The following ANKH variants were observed in gnomAD, a reference collection of about 807,000 sequenced individuals.
The protein encoded by ANKH is mineralization regulator ANKH.
ANKH carries 15 observed loss-of-function variants against 49.0 expected under a neutral mutation model. The ratio of observed to expected loss-of-function variants is 0.31; its 90% CI spans 0.20 to 0.47. The LOEUF is 0.47. ANKH is among the 20% of genes least tolerant of loss of function. The pLI, the probability that ANKH is intolerant of heterozygous loss-of-function variation, is 1.00. For synonymous variants in ANKH, 273 were observed against 260.0 expected (o/e 1.05, Z -0.48); for missense variants, 429 against 652.0 (o/e 0.66, Z 3.72).
intron 8 of ANKH, among the ~76,000 whole-genome samples, chr5:14,734,085 T>A (rs766925232): frequency 2.0e-5 from 3 of 152,250 alleles, no homozygotes; most frequent in Admixed American, 6.5e-5. Flanking sequence ...TTGCTAGATA[T>A]GCGTTCTAAA....
rs1737799691 is a variant in ANKH at position 14,725,623 on chromosome 5, C to T, written c.1012-8788G>A. Reference sequence around the variant, plus strand: ...GAGTATTCCAGAAGGTTTCCTGGGACCGTATTCTAACAAAACGCTAGCAGG... The same window carrying T: ...GAGTATTCCAGAAGGTTTCCTGGGATCGTATTCTAACAAAACGCTAGCAGG... On this transcript the variant is annotated intron_variant, in intron 8 of 11. Coordinates refer to ENST00000284268, the MANE Select transcript of ANKH (RefSeq NM_054027.6). The surrounding 1 kb of genome is among the most constrained non-coding windows in gnomAD (Gnocchi z 4.0). 6.6e-6 allele frequency among the ~76,000 whole-genome samples: 1 copy of T among 152,216 alleles called. No individual in the cohort carries two copies. Among genetic ancestry groups the T allele is most frequent in the Admixed American group, 6.5e-5 (1 of 15,286 alleles).
At chr5:14,863,195 T>C (rs1245014240) in intron 1 of ANKH, among the ~76,000 whole-genome samples, 4 of 152,010 alleles carry the variant, frequency 2.6e-5, no homozygotes, top group African/African-American at 4.8e-5. Flanking sequence ...ATTAAAATGA[T>C]AAAAGCAGGC....
At chr5:14,797,077 G>C (rs1740412881) in intron 1 of ANKH, 15 of 1,342,456 alleles carry the variant, frequency 1.1e-5, no homozygotes, top group Admixed American at 7.3e-5. Flanking sequence ...TCTCGGGGTT[G>C]AGAAGAAAAA....
intron 8 of ANKH, among the ~76,000 whole-genome samples, chr5:14,733,633 T>C (rs751420577): frequency 1.6e-4 from 25 of 152,372 alleles, no homozygotes; most frequent in African/African-American, 5.8e-4. Flanking sequence ...CACTGCTTCA[T>C]GTAATTACCT....
chr5:14,779,392 T>C (rs1016711214), intron 1 of ANKH, among the ~76,000 whole-genome samples: 2 of 152,174 alleles, frequency 1.3e-5, no homozygotes, highest in African/African-American at 4.8e-5. Context: ...ACCCTCTTTC[T>C]TGTCTTCCCT....
chr5:14,803,606 C>T (rs2126563476), intron 1 of ANKH, among the ~76,000 whole-genome samples: 1 of 151,818 alleles, frequency 6.6e-6, no homozygotes, highest in Middle Eastern at 3.4e-3. Context: ...TTTTTATTTT[C>T]CTCTTTTGCC....
rs529483616 is a variant in ANKH, at chr5:14,706,266, G to A, written c.*4931C>T. ...GTGTAGCTGACAGCCACCTATAAAA[G>A]TGCATATATCTTATGCAGTCTTTTA... is the stretch of plus-strand genomic sequence containing the variant. On this transcript the variant is annotated 3_prime_UTR_variant, in exon 12 of 12. Coordinates refer to ENST00000284268, the MANE Select transcript of ANKH (RefSeq NM_054027.6). The A allele has an allele frequency of 1.4e-4, 22 of 152,314 alleles. No individual in the cohort carries two copies. The highest frequency in any genetic ancestry group is 4.8e-4 in the African/African-American group (20 of 41,558). 9.4% of individuals were successfully genotyped at this position (152,314 alleles called of 1,614,324 possible).
At chr5:14,805,868 CT>C (rs1011126059) in intron 1 of ANKH, among the ~76,000 whole-genome samples, 43 of 152,278 alleles carry the variant, frequency 2.8e-4, no homozygotes, top group African/African-American at 1.0e-3. Flanking sequence ...AGCCGGACTC[CT>C]GGCCTCACCA....
At chr5:14,733,881 G>A (rs916404294) in intron 8 of ANKH, among the ~76,000 whole-genome samples, 3 of 152,258 alleles carry the variant, frequency 2.0e-5, no homozygotes, top group African/African-American at 7.2e-5. Context: ...CGTGTCGGGA[G>A]TGTCTGGACT....
Position 14,770,484 on chromosome 5 carries a change from A to C in ANKH, c.97-1293T>G, listed in dbSNP as rs1438816527. Among the ~76,000 whole-genome samples, 6 of 152,250 alleles carry C rather than the reference A, an allele frequency of 3.9e-5. No individual in the cohort carries two copies. The highest frequency in any genetic ancestry group is 8.8e-5 in the Non-Finnish European group (6 of 68,042). On this transcript the variant is annotated intron_variant, in intron 1 of 11. Coordinates refer to ENST00000284268, the MANE Select transcript of ANKH (RefSeq NM_054027.6). This position sits in a 1 kb window ranked among gnomAD's most constrained non-coding sequence, Gnocchi z 4.1. ...AAAGTTTAATTTATAAATTAGGCAC[A>C]GTAAGAGATTAACAACAATAATAAT...
intron 1 of ANKH, among the ~76,000 whole-genome samples, chr5:14,810,725 C>T (rs31910): frequency 0.47 from 72,021 of 151,928 alleles, 17,376 homozygotes; most frequent in East Asian, 0.75. Context: ...CCCTGAGAAG[C>T]CACTACTCAT....
At chr5:14,836,203 G>T (rs1741648039) in intron 1 of ANKH, among the ~76,000 whole-genome samples, 1 of 152,058 alleles carries the variant, frequency 6.6e-6, no homozygotes, top group African/African-American at 2.4e-5. Context: ...TTTGAAAACT[G>T]GCACAAGACA....
intron 1 of ANKH, among the ~76,000 whole-genome samples, chr5:14,795,534 A>G (rs1740346839): frequency 6.6e-6 from 1 of 152,212 alleles, no homozygotes; most frequent in Admixed American, 6.5e-5. Flanking sequence ...TCAAATGAGA[A>G]CTATATAAAG....
chr5:14,820,827 G>C (rs1160940573), intron 1 of ANKH, among the ~76,000 whole-genome samples: 1 of 152,234 alleles, frequency 6.6e-6, no homozygotes, highest in African/African-American at 2.4e-5. Context: ...GCCAGGTGCA[G>C]TGGCTTATGC....
At chr5:14,807,114 T>C (rs1740730903) in intron 1 of ANKH, among the ~76,000 whole-genome samples, 2 of 75,856 alleles carry the variant, frequency 2.6e-5, no homozygotes, top group South Asian at 1.2e-3. Flanking sequence ...ATGATATTTC[T>C]TTTTTTTTTT....
At chr5:14,767,509 TC>T (rs1258498852) in intron 2 of ANKH, among the ~76,000 whole-genome samples, 1 of 152,210 alleles carries the variant, frequency 6.6e-6, no homozygotes, top group Admixed American at 6.5e-5. Context: ...ATTTTATAAT[TC>T]TATTTTAAAA....
At chr5:14,747,080 C>T (rs1402382858) in intron 6 of ANKH, among the ~76,000 whole-genome samples, 3 of 152,150 alleles carry the variant, frequency 2.0e-5, no homozygotes, top group African/African-American at 4.8e-5. Context: ...GGACCCACCT[C>T]TAAGCCTCCA....
intron 1 of ANKH, among the ~76,000 whole-genome samples, chr5:14,771,937 A>AAAC (rs1561048118): frequency 2.1e-5 from 3 of 140,386 alleles, no homozygotes; most frequent in African/African-American, 5.4e-5. Context: ...AAAAAAAAAA[A>AAAC]AAAAAAAAAA....
chr5:14,833,745 A>G (rs984974711), intron 1 of ANKH, among the ~76,000 whole-genome samples: 1 of 152,340 alleles, frequency 6.6e-6, no homozygotes, highest in Non-Finnish European at 1.5e-5. Context: ...CCTTGCTTAT[A>G]GTATAATGCA....
Sources: gnomAD v4.1 joint callset for allele counts (sites outside exome capture counted in the v4.1 genomes callset) on GRCh38, gnomAD v4.1.1 for gene constraint, Gnocchi (gnomAD v3.1) non-coding constraint, MANE v1.5 for transcripts, NCBI Gene and HGNC (gene_info 2026-07-23, HGNC 2026-07-21) for gene names.